The following SCD5 variants were observed in gnomAD, a reference collection of about 807,000 sequenced individuals.
The protein encoded by SCD5 is stearoyl-CoA desaturase 5.
SCD5 carries 20 observed loss-of-function variants against 30.4 expected under a neutral mutation model. That is an observed-to-expected ratio of 0.66 (90% CI 0.46 to 0.96). The LOEUF is 0.96. Among genes scored for constraint, SCD5 ranks in the 40% least tolerant of loss-of-function variants. The pLI, the probability that SCD5 is intolerant of heterozygous loss-of-function variation, is 0.00. For missense variants in SCD5, 381 were observed against 443.3 expected (o/e 0.86, Z 1.26); for synonymous variants, 173 against 176.4 (o/e 0.98, Z 0.16).
chr4:82,740,933 CT>C (rs34077562), intron 1 of SCD5, among the ~76,000 whole-genome samples: 89,854 of 143,368 alleles, frequency 0.63, 28,168 homozygotes, highest in Non-Finnish European at 0.7. Flanking sequence ...TTTCCCAATT[CT>C]TTTTTTTTTT....
At chr4:82,687,472 C>A (rs138931717) in intron 2 of SCD5, among the ~76,000 whole-genome samples, 10 of 152,104 alleles carry the variant, frequency 6.6e-5, no homozygotes, top group African/African-American at 2.4e-4. Flanking sequence ...GAAAACAACC[C>A]AGCTTCTCCT....
intron 4 of SCD5, among the ~76,000 whole-genome samples, chr4:82,632,969 C>T (rs1023493341): frequency 8.5e-5 from 13 of 152,206 alleles, no homozygotes; most frequent in Admixed American, 6.5e-5. Context: ...TGCATTACCT[C>T]ACACACTTAT....
intron 1 of SCD5, among the ~76,000 whole-genome samples, chr4:82,792,229 C>T (rs1411755629): frequency 6.6e-6 from 1 of 151,744 alleles, no homozygotes; most frequent in Non-Finnish European, 1.5e-5. Flanking sequence ...TGCACTTGCA[C>T]TCCAGCCTGG....
chr4:82,763,937 T>C (rs1443059131), intron 1 of SCD5, among the ~76,000 whole-genome samples: 1 of 152,218 alleles, frequency 6.6e-6, no homozygotes, highest in Non-Finnish European at 1.5e-5. Flanking sequence ...CCTCTTGATA[T>C]CTACTTTGAT....
At chr4:82,737,854 G>C (rs1055194391) in intron 1 of SCD5, among the ~76,000 whole-genome samples, 14 of 150,810 alleles carry the variant, frequency 9.3e-5, no homozygotes, top group Admixed American at 4.6e-4. Context: ...AGGTAGGAAG[G>C]CTGGGGGGCA....
At chr4:82,709,794 C>T (rs189705947) in intron 1 of SCD5, among the ~76,000 whole-genome samples, 2 of 152,206 alleles carry the variant, frequency 1.3e-5, no homozygotes, top group African/African-American at 4.8e-5. Context: ...TTCACAATAG[C>T]CAGAAGGCAG....
intron 1 of SCD5, among the ~76,000 whole-genome samples, chr4:82,728,094 CTGGG>C (rs1393263918): frequency 1.1e-4 from 16 of 151,974 alleles, no homozygotes; most frequent in African/African-American, 3.9e-4. Flanking sequence ...ATAGGTTAGC[CTGGG>C]TGACAGAGTG....
chr4:82,675,148 T>C (rs1370758995), intron 3 of SCD5, among the ~76,000 whole-genome samples: 1 of 152,196 alleles, frequency 6.6e-6, no homozygotes. Context: ...CGTGTCAATG[T>C]AGGTTCAACA....
At chr4:82,756,976 C>T (rs1359557704) in intron 1 of SCD5, among the ~76,000 whole-genome samples, 15 of 152,124 alleles carry the variant, frequency 9.9e-5, no homozygotes, top group Admixed American at 9.8e-4. Flanking sequence ...AGTAATCCTC[C>T]CACCTTGACC....
At chr4:82,656,065 G>A (rs1727861238) in intron 3 of SCD5, among the ~76,000 whole-genome samples, 1 of 152,050 alleles carries the variant, frequency 6.6e-6, no homozygotes, top group South Asian at 2.1e-4. Flanking sequence ...AGTACTCCTG[G>A]TTTTAAAGCT....
chr4:82,631,252 G>T lies in SCD5; in HGVS notation c.*75C>A. The T allele has an allele frequency of 2.2e-6, 3 of 1,350,870 alleles. No individual in the cohort carries two copies. Among genetic ancestry groups the T allele is most frequent in the Non-Finnish European group, 3.1e-6 (3 of 973,956 alleles). The allele number at this position is 1,350,870 out of a possible 1,614,324, so 83.7% of individuals were successfully genotyped here. ...CCTCTGCCCCCTCCCACGATCCAAT[G>T]TACAAGAGAGCTATTGTAACCAAAG... On this transcript the variant is annotated 3_prime_UTR_variant, in exon 5 of 5. Coordinates refer to ENST00000319540, the MANE Select transcript of SCD5 (RefSeq NM_001037582.3).
At chr4:82,722,278 C>T (rs1003894043) in intron 1 of SCD5, among the ~76,000 whole-genome samples, 2 of 151,308 alleles carry the variant, frequency 1.3e-5, no homozygotes, top group Admixed American at 1.3e-4. Flanking sequence ...CCAAAAAGGG[C>T]TCCATCTTGA....
intron 1 of SCD5, among the ~76,000 whole-genome samples, chr4:82,782,999 C>T (rs1721905808): frequency 6.6e-6 from 1 of 152,200 alleles, no homozygotes; most frequent in African/African-American, 2.4e-5. Context: ...TGAATGTCTC[C>T]AACCCCCTGG....
At position 82,785,783 on chromosome 4, in the gene SCD5, G is replaced by T. The variant is rs145382402; in HGVS notation, c.232+12523C>A. 5.2e-3 allele frequency among the ~76,000 whole-genome samples: 787 copies of T among 152,322 alleles called. 9 individuals are homozygous for T. The highest frequency in any genetic ancestry group is 0.017 in the African/African-American group (703 of 41,570). On this transcript the variant is annotated intron_variant, in intron 1 of 4. Coordinates refer to ENST00000319540, the MANE Select transcript of SCD5 (RefSeq NM_001037582.3). ...ATTGCTACACAGCCAAACAATGGAT[G>T]TGGGGGTGAGAGGTGGAAGGGGGAG...
intron 3 of SCD5, among the ~76,000 whole-genome samples, chr4:82,668,111 CTG>C (rs1205609666): frequency 6.6e-6 from 1 of 152,128 alleles, no homozygotes; most frequent in African/African-American, 2.4e-5. Flanking sequence ...TCTTATAAAA[CTG>C]TGAGAGAAGA....
intron 1 of SCD5, among the ~76,000 whole-genome samples, chr4:82,781,514 CCACTTG>C (rs1186031374): frequency 6.6e-6 from 1 of 152,096 alleles, no homozygotes; most frequent in Non-Finnish European, 1.5e-5. Flanking sequence ...ATGGAAATAT[CCACTTG>C]GGTTATGCTG....
At chr4:82,704,282 C>G (rs1293840078) in intron 2 of SCD5, among the ~76,000 whole-genome samples, 1 of 152,180 alleles carries the variant, frequency 6.6e-6, no homozygotes, top group Non-Finnish European at 1.5e-5. Flanking sequence ...CAGGGAAGCT[C>G]CTGGGTCACC....
intron 2 of SCD5, among the ~76,000 whole-genome samples, chr4:82,692,899 G>C (rs1212718697): frequency 6.6e-6 from 1 of 152,212 alleles, no homozygotes; most frequent in East Asian, 1.9e-4. Flanking sequence ...TTCCCTGAGG[G>C]AGAGGCTGAA....
intron 3 of SCD5, among the ~76,000 whole-genome samples, chr4:82,669,563 T>C (rs1010777270): frequency 1.3e-5 from 2 of 152,188 alleles, no homozygotes; most frequent in African/African-American, 2.4e-5. Flanking sequence ...CTGACCTTAA[T>C]TGATGAATTG....
Sources: allele counts gnomAD v4.1 joint callset (sites outside exome capture counted in the v4.1 genomes callset), GRCh38; gene constraint gnomAD v4.1.1; transcripts MANE v1.5; gene names NCBI Gene and HGNC (gene_info 2026-07-23, HGNC 2026-07-21).